The following CDH6 variants were observed in gnomAD, a reference collection of about 807,000 sequenced individuals.
CDH6 encodes the protein cadherin-6.
In CDH6, 31 loss-of-function variants were observed where a neutral mutation model predicts 78.0. The ratio of observed to expected loss-of-function variants is 0.40; its 90% CI spans 0.30 to 0.54. The LOEUF is 0.54. Ranked by LOEUF, CDH6 falls within the 20% of genes least tolerant of loss-of-function variation. CDH6 has a pLI of 0.56. For synonymous variants in CDH6, 376 were observed against 368.8 expected (o/e 1.02, Z -0.23); for missense variants, 724 against 975.9 (o/e 0.74, Z 3.44).
chr5:31,290,777 GA>G lies in CDH6; in HGVS notation c.229-3181del, dbSNP rs1236192004. On this transcript the variant is annotated intron_variant, in intron 2 of 11. Coordinates refer to ENST00000265071, the MANE Select transcript of CDH6 (RefSeq NM_004932.4). ...TGCTCCGTGTACTCGGTCAGACCCA[GA>G]AAATGCACTTTGGAGGGAGGAAGGG... 3.9e-5 allele frequency among the ~76,000 whole-genome samples: 6 copies of G among 152,252 alleles called. No homozygotes were observed. In the South Asian group the frequency reaches 1.2e-3, roughly 32 times the overall value.
intron 1 of CDH6, among the ~76,000 whole-genome samples, chr5:31,262,581 T>C (rs1742239249): frequency 6.6e-6 from 1 of 152,212 alleles, no homozygotes. Context: ...TATCGAGTTG[T>C]TCATGTTTCT....
intron 2 of CDH6, among the ~76,000 whole-genome samples, chr5:31,280,388 G>C (rs546709437): frequency 1.3e-5 from 2 of 152,024 alleles, no homozygotes; most frequent in Non-Finnish European, 1.5e-5. Context: ...CTTTCTCAGG[G>C]GATCCACATA....
In CDH6 at chr5:31,312,832, C is replaced by T. The variant is rs189796079; in HGVS notation, c.1254-486C>T. Among the ~76,000 whole-genome samples the T allele has an allele frequency of 7.9e-5, 12 of 152,230 alleles. No individual in the cohort carries two copies. In the East Asian group the frequency reaches 2.3e-3, roughly 29 times the overall value. On this transcript the variant is annotated intron_variant, in intron 7 of 11. Transcript: ENST00000265071. Reference sequence around the variant, plus strand: ...CACCAATGTCATCTCCTATCTCCTTCTTCTGCCTCACTAACCTTGGCCACA... The same window carrying T: ...CACCAATGTCATCTCCTATCTCCTTTTTCTGCCTCACTAACCTTGGCCACA...
chr5:31,276,159 C>A (rs1742687623), intron 2 of CDH6, among the ~76,000 whole-genome samples: 1 of 152,196 alleles, frequency 6.6e-6, no homozygotes, highest in Non-Finnish European at 1.5e-5. Context: ...GCGTTCTTTG[C>A]AAACCTTTCT....
intron 3 of CDH6, among the ~76,000 whole-genome samples, chr5:31,295,325 GA>G (rs1737553946): frequency 6.6e-6 from 1 of 151,850 alleles, no homozygotes; most frequent in African/African-American, 2.4e-5. Flanking sequence ...AATTTGTTAG[GA>G]AAAAAATTTC....
At chr5:31,216,955 G>A (rs183376030) in intron 1 of CDH6, among the ~76,000 whole-genome samples, 144 of 152,220 alleles carry the variant, frequency 9.5e-4, no homozygotes, top group Non-Finnish European at 1.8e-3. Flanking sequence ...ACGGTAGAGA[G>A]GCTCATGTGT....
At chr5:31,307,790 T>G (rs555470198) in intron 7 of CDH6, among the ~76,000 whole-genome samples, 58 of 152,304 alleles carry the variant, frequency 3.8e-4, no homozygotes, top group African/African-American at 1.4e-3. Flanking sequence ...AAAGAGAGAA[T>G]GTTTTGCGAA....
At chr5:31,231,203 A>T (rs186333592) in intron 1 of CDH6, among the ~76,000 whole-genome samples, 1 of 152,322 alleles carries the variant, frequency 6.6e-6, no homozygotes, top group Admixed American at 6.5e-5. Flanking sequence ...AAATTAAATT[A>T]TGTGCATAAA....
intron 1 of CDH6, among the ~76,000 whole-genome samples, chr5:31,211,256 T>G (rs185835235): frequency 7.9e-5 from 12 of 152,310 alleles, no homozygotes; most frequent in African/African-American, 2.6e-4. Context: ...TCAAAGGACA[T>G]CAGGCTATGT....
intron 1 of CDH6, among the ~76,000 whole-genome samples, chr5:31,245,541 C>T (rs949049985): frequency 8.5e-5 from 13 of 152,108 alleles, no homozygotes; most frequent in African/African-American, 2.7e-4. Context: ...TCCCAGCTCA[C>T]GGGGGTTAAG....
At chr5:31,255,507 G>C (rs1178631482) in intron 1 of CDH6, among the ~76,000 whole-genome samples, 1 of 152,172 alleles carries the variant, frequency 6.6e-6, no homozygotes, top group Non-Finnish European at 1.5e-5. Flanking sequence ...TGTGCAGTTT[G>C]ACTCTAGTAA....
intron 1 of CDH6, among the ~76,000 whole-genome samples, chr5:31,215,287 A>G (rs1208087398): frequency 6.6e-6 from 1 of 152,160 alleles, no homozygotes; most frequent in Non-Finnish European, 1.5e-5. Flanking sequence ...ATAGTTTAAG[A>G]CATTTAATTT....
intron 1 of CDH6, among the ~76,000 whole-genome samples, chr5:31,206,453 T>G (rs949363698): frequency 6.6e-6 from 1 of 152,120 alleles, no homozygotes; most frequent in African/African-American, 2.4e-5. Flanking sequence ...CATAGAGGCC[T>G]TTTAGCTTTA....
chr5:31,242,386 T>G (rs1354874357), intron 1 of CDH6, among the ~76,000 whole-genome samples: 1 of 152,152 alleles, frequency 6.6e-6, no homozygotes, highest in African/African-American at 2.4e-5. Context: ...GTCTCTCAAC[T>G]CTTGCTGGAA....
intron 1 of CDH6, among the ~76,000 whole-genome samples, chr5:31,203,643 A>C (rs1324262959): frequency 8.6e-5 from 13 of 151,294 alleles, no homozygotes; most frequent in African/African-American, 3.2e-4. Context: ...AATCCAGTCT[A>C]TCATTGATGG....
rs538158038 is a variant in CDH6, at chr5:31,237,784, T to C, written c.-128-29562T>C. 3.3e-5 allele frequency among the ~76,000 whole-genome samples: 5 copies of C among 152,308 alleles called. No individual in the cohort carries two copies. The East Asian group carries it at 7.7e-4, about 24-fold the overall frequency. ...GGGAGACAAAGGAGAAGCAGTGAAG[T>C]AGCAGTGGAAGTAGCAGCGAACAGA... On this transcript the variant is annotated intron_variant, in intron 1 of 11. Transcript: ENST00000265071.
chr5:31,289,658 A>C (rs1011698019), intron 2 of CDH6, among the ~76,000 whole-genome samples: 6 of 152,214 alleles, frequency 3.9e-5, no homozygotes, highest in Admixed American at 6.5e-5. Flanking sequence ...TTTCTGTCTT[A>C]ACAATGCATA....
intron 2 of CDH6, among the ~76,000 whole-genome samples, chr5:31,274,224 C>A (rs941440449): frequency 6.6e-6 from 1 of 152,208 alleles, no homozygotes; most frequent in Admixed American, 6.5e-5. Flanking sequence ...GTGAAACCAA[C>A]TGATTTCACT....
At chr5:31,287,878 G>A (rs1007454703) in intron 2 of CDH6, among the ~76,000 whole-genome samples, 7 of 152,202 alleles carry the variant, frequency 4.6e-5, no homozygotes, top group Admixed American at 6.5e-5. Flanking sequence ...TAGGGTCAAC[G>A]CAGAACTACA....
Sources: allele counts gnomAD v4.1 joint callset (sites outside exome capture counted in the v4.1 genomes callset), GRCh38; gene constraint gnomAD v4.1.1; transcripts MANE v1.5; gene names NCBI Gene and HGNC (gene_info 2026-07-23, HGNC 2026-07-21).